MOSMO: variants seen among roughly 807,000 people sequenced by gnomAD.
The protein encoded by MOSMO is modulator of smoothened protein.
Under a neutral mutation model 18.4 loss-of-function variants are expected in MOSMO, and 5 were observed. That is an observed-to-expected ratio of 0.27 (90% confidence interval 0.14 to 0.57). The LOEUF (loss-of-function observed/expected upper bound fraction) is 0.57, where lower values mean the gene tolerates loss of function less well. MOSMO is among the 20% of genes least tolerant of loss of function. The probability of loss-of-function intolerance (pLI) is 0.92; values close to 1 mark genes in which losing one functional copy is unlikely to be tolerated. For missense variants in MOSMO, 138 were observed against 211.8 expected, an observed-to-expected ratio of 0.65 and a Z score of 2.16; for synonymous variants, 82 against 82.3, an observed-to-expected ratio of 1.00 and a Z score of 0.02.
chr16:22,061,133 AGCTT>A (rs1900637456), intron 1 of MOSMO, among the ~76,000 whole-genome samples: 1 of 152,004 alleles, frequency 6.6e-6, no homozygotes. Context: ...CTACCTTGGG[AGCTT>A]GGGGGAGGAG....
At chr16:22,066,020 A>T (rs1900741053) in intron 1 of MOSMO, among the ~76,000 whole-genome samples, 1 of 152,226 alleles carries the variant, frequency 6.6e-6, no homozygotes, top group Non-Finnish European at 1.5e-5. Flanking sequence ...ACTTTGTGGC[A>T]GTTTCAATTG....
At chr16:22,088,180 C>T (rs972532415), downstream of MOSMO, among the ~76,000 whole-genome samples, 3 of 152,062 alleles carry the variant, frequency 2.0e-5, no homozygotes, top group East Asian at 3.9e-4. Context: ...CATGCCACCA[C>T]GGCCTGCTAA....
At chr16:22,067,750 A>G (rs1900774963) in intron 1 of MOSMO, among the ~76,000 whole-genome samples, 1 of 152,120 alleles carries the variant, frequency 6.6e-6, no homozygotes, top group Non-Finnish European at 1.5e-5. Flanking sequence ...GTGGTGGCAC[A>G]TGCCTGTAAT....
At chr16:22,016,990 A>G (rs960075558) in intron 1 of MOSMO, among the ~76,000 whole-genome samples, 6 of 152,218 alleles carry the variant, frequency 3.9e-5, no homozygotes, top group Non-Finnish European at 7.3e-5. Context: ...AGTTTGAAAT[A>G]TATGAGATAG....
intron 1 of MOSMO, among the ~76,000 whole-genome samples, chr16:22,038,914 G>A (rs1900159419): frequency 6.6e-6 from 1 of 152,124 alleles, no homozygotes; most frequent in African/African-American, 2.4e-5. Flanking sequence ...CAATGACATG[G>A]GAGAAAGCAA....
intron 1 of MOSMO, among the ~76,000 whole-genome samples, chr16:22,062,029 A>G (rs558866166): frequency 1.3e-5 from 2 of 152,332 alleles, no homozygotes; most frequent in Middle Eastern, 3.4e-3. Context: ...TATCCACTTT[A>G]TAATTGAGGC....
intron 1 of MOSMO, among the ~76,000 whole-genome samples, chr16:22,013,891 A>G (rs1374053457): frequency 2.0e-5 from 3 of 150,176 alleles, no homozygotes; most frequent in Admixed American, 6.6e-5. Context: ...GGGGGGGGGG[A>G]ATCTCAAAAA....
At chr16:22,023,797 G>GT (rs1277591010) in intron 1 of MOSMO, among the ~76,000 whole-genome samples, 6 of 151,482 alleles carry the variant, frequency 4.0e-5, no homozygotes, top group African/African-American at 4.9e-5. Flanking sequence ...GTTTTACTGA[G>GT]TTTTTTTTAG....
chr16:22,045,870 C>T (rs1900297052), intron 1 of MOSMO, among the ~76,000 whole-genome samples: 1 of 151,282 alleles, frequency 6.6e-6, no homozygotes, highest in Non-Finnish European at 1.5e-5. Flanking sequence ...TTTCTTTCTT[C>T]ACTAGAACTC....
downstream of MOSMO, among the ~76,000 whole-genome samples, chr16:22,089,615 C>T (rs1256475815): frequency 2.0e-5 from 3 of 151,016 alleles, no homozygotes; most frequent in Non-Finnish European, 4.4e-5. Flanking sequence ...AGTCCCTCAC[C>T]CCACCCCACC....
intron 1 of MOSMO, among the ~76,000 whole-genome samples, chr16:22,071,465 A>G (rs1213325565): frequency 6.6e-6 from 1 of 152,128 alleles, no homozygotes; most frequent in Admixed American, 6.5e-5. Flanking sequence ...CTGCTTTTAC[A>G]TGTAGTGATG....
At chr16:22,019,041 G>C (rs1381733982) in intron 1 of MOSMO, among the ~76,000 whole-genome samples, 1 of 152,160 alleles carries the variant, frequency 6.6e-6, no homozygotes, top group Non-Finnish European at 1.5e-5. Context: ...CAATGCCCCT[G>C]TGTAAGTGCT....
At chr16:22,073,593 GA>G (rs1322499150) in intron 1 of MOSMO, among the ~76,000 whole-genome samples, 10 of 150,716 alleles carry the variant, frequency 6.6e-5, no homozygotes, top group Middle Eastern at 3.4e-3. Context: ...TTTTGTTTAA[GA>G]ACAGTCATGC....
At chr16:22,013,479 C>T (rs1899575185) in intron 1 of MOSMO, among the ~76,000 whole-genome samples, 1 of 152,112 alleles carries the variant, frequency 6.6e-6, no homozygotes, top group Non-Finnish European at 1.5e-5. Flanking sequence ...TCTCTTCTCA[C>T]CCCTGAAGAG....
chr16:22,011,581 C>G (rs1217584986), intron 1 of MOSMO, among the ~76,000 whole-genome samples: 1 of 152,116 alleles, frequency 6.6e-6, no homozygotes, highest in Non-Finnish European at 1.5e-5. Flanking sequence ...AGTGATCAAT[C>G]CAGCAAAGTG....
chr16:22,039,211 T>C (rs554616983), intron 1 of MOSMO, among the ~76,000 whole-genome samples: 1 of 152,338 alleles, frequency 6.6e-6, no homozygotes, highest in African/African-American at 2.4e-5. Context: ...AGTGAACTCC[T>C]TAACGCATAG....
downstream of MOSMO, chr16:22,092,287 G>A (rs1454718830): frequency 1.3e-5 from 3 of 236,694 alleles, no homozygotes; most frequent in Non-Finnish European, 2.5e-5. Flanking sequence ...CACCAGGGCT[G>A]TACTGGCCTA....
chr16:22,087,435 C>G (rs1901206019), downstream of MOSMO: 1 of 152,122 alleles, frequency 6.6e-6, no homozygotes, highest in South Asian at 2.1e-4. Flanking sequence ...GAACTAAATA[C>G]TATGTTCTGA....
chr16:22,052,545 A>G (rs1900447733), intron 1 of MOSMO, among the ~76,000 whole-genome samples: 1 of 152,226 alleles, frequency 6.6e-6, no homozygotes, highest in Non-Finnish European at 1.5e-5. Context: ...TCATTTCCCC[A>G]GGTGACAGAA....
Sources: allele counts gnomAD v4.1 joint callset (sites outside exome capture counted in the v4.1 genomes callset), GRCh38; gene constraint gnomAD v4.1.1; transcripts MANE v1.5; gene names NCBI Gene and HGNC (gene_info 2026-07-23, HGNC 2026-07-21).